Variants in SV2C observed in about 807,000 individuals in gnomAD.
SV2C encodes the protein synaptic vesicle glycoprotein 2C.
Under a neutral mutation model 79.7 loss-of-function variants are expected in SV2C, and 49 were observed. The ratio of observed to expected loss-of-function variants is 0.61; its 90% confidence interval spans 0.49 to 0.78. The LOEUF (loss-of-function observed/expected upper bound fraction) is 0.78. Ranked by LOEUF, SV2C falls within the 30% of genes least tolerant of loss-of-function variation. SV2C has a pLI of 0.00. For synonymous variants in SV2C, 334 were observed against 333.2 expected, an observed-to-expected ratio of 1.00 and a Z score of -0.03; for missense variants, 833 against 912.9, an observed-to-expected ratio of 0.91 and a Z score of 1.13.
chr5:75,890,675 T>G, the SV2C span, among the ~76,000 whole-genome samples: 2 of 152,058 alleles, frequency 1.3e-5, no homozygotes, highest in African/African-American at 2.4e-5. Flanking sequence ...AGTCTCCCAT[T>G]GCGAGGCTCC....
intron 1 of SV2C, among the ~76,000 whole-genome samples, chr5:76,085,028 C>T (rs1747134019): frequency 6.6e-6 from 1 of 152,266 alleles, no homozygotes; most frequent in Non-Finnish European, 1.5e-5. Flanking sequence ...GTGATGGTCT[C>T]CTCTCCCGCT....
chr5:76,132,095 T>A lies in SV2C; in HGVS notation c.345T>A (p.Asp115Glu), dbSNP rs746593541. The part of the protein sequence containing the change: ...SIVSVGQPKG[D>E]EYKDRRELES... ...TGTCAGTGGGGCAGCCCAAGGGCGATGAGTACAAGGACCGGCGGGAGCTGG... is the reference window on the plus strand; with the variant it reads ...TGTCAGTGGGGCAGCCCAAGGGCGAAGAGTACAAGGACCGGCGGGAGCTGG... Residue 115 changes from aspartate (D) to glutamate (E), a missense_variant, in exon 2 of 13, where the codon GAT becomes GAA. Transcript: ENST00000502798. The A allele has an allele frequency of 1.2e-6, 2 of 1,613,516 alleles. No homozygotes were observed. The highest frequency in any genetic ancestry group is 3.3e-5 in the Admixed American group (2 of 60,004).
chr5:76,125,165 C>T (rs576925649), intron 1 of SV2C, among the ~76,000 whole-genome samples: 1 of 152,270 alleles, frequency 6.6e-6, no homozygotes, highest in Non-Finnish European at 1.5e-5. Flanking sequence ...AATTTCCAGG[C>T]TCTTTGAATG....
chr5:76,027,425 C>T, the SV2C span, among the ~76,000 whole-genome samples: 1 of 151,954 alleles, frequency 6.6e-6, no homozygotes, highest in Non-Finnish European at 1.5e-5. Flanking sequence ...TCCATTCTCA[C>T]TTATTCATTG....
the SV2C span, among the ~76,000 whole-genome samples, chr5:75,996,835 G>A: frequency 7.1e-6 from 1 of 140,346 alleles, no homozygotes; most frequent in Non-Finnish European, 1.6e-5. Context: ...CATTGATTTT[G>A]TATCCTGAGA....
chr5:76,027,367 T>A, the SV2C span, among the ~76,000 whole-genome samples: 1 of 149,296 alleles, frequency 6.7e-6, no homozygotes, highest in Non-Finnish European at 1.5e-5. Context: ...CAACCTTTTT[T>A]CAGTTTTTAT....
intron 4 of SV2C, among the ~76,000 whole-genome samples, chr5:76,269,798 G>A (rs2112470909): frequency 6.6e-6 from 1 of 152,248 alleles, no homozygotes; most frequent in South Asian, 2.1e-4. Flanking sequence ...ATCATTTCTG[G>A]TAAGTAGCAT....
At chr5:75,997,016 A>G in the SV2C span, among the ~76,000 whole-genome samples, 1 of 149,166 alleles carries the variant, frequency 6.7e-6, no homozygotes. Flanking sequence ...AACTTCCAAC[A>G]CTATGTTGAA....
Position 76,285,252 on chromosome 5 carries a change from T to G in SV2C, c.1004T>G (p.Val335Gly). 1 of 1,614,218 alleles carries G rather than the reference T, an allele frequency of 6.2e-7. No individual in the cohort carries two copies. The highest frequency in any genetic ancestry group is 8.5e-7 in the Non-Finnish European group (1 of 1,180,020). ...VCALPCVSSV[V>G]ALTFMPESPR... ...GCACTCCCCTGTGTCTCCTCCGTGGTGGCCCTCACATTCATGCCTGAAAGC... is the reference window on the plus strand; with the variant it reads ...GCACTCCCCTGTGTCTCCTCCGTGGGGGCCCTCACATTCATGCCTGAAAGC... Residue 335 changes from valine (V) to glycine (G), a missense_variant, in exon 5 of 13, where the codon GTG (valine) becomes GGG (glycine). Coordinates refer to ENST00000502798, the MANE Select transcript of SV2C (RefSeq NM_014979.4).
chr5:76,034,999 T>G, the SV2C span, among the ~76,000 whole-genome samples: 2 of 152,156 alleles, frequency 1.3e-5, no homozygotes, highest in African/African-American at 2.4e-5. Flanking sequence ...GTTGAGGAAT[T>G]TATCCATTTC....
the SV2C span, among the ~76,000 whole-genome samples, chr5:75,968,693 C>T: frequency 1.3e-5 from 2 of 152,172 alleles, no homozygotes; most frequent in African/African-American, 2.4e-5. Context: ...ACCAAATCTA[C>T]GTCTGATTGG....
intron 2 of SV2C, among the ~76,000 whole-genome samples, chr5:76,190,651 G>C (rs1744071352): frequency 6.6e-6 from 1 of 152,178 alleles, no homozygotes; most frequent in Non-Finnish European, 1.5e-5. Context: ...CCAAAGACTA[G>C]GGTTTGGTCA....
intron 12 of SV2C, among the ~76,000 whole-genome samples, chr5:76,346,885 A>T (rs1749554474): frequency 6.6e-6 from 1 of 152,156 alleles, no homozygotes; most frequent in Non-Finnish European, 1.5e-5. Context: ...TTGCTGCTAG[A>T]CACTGCCAAG....
At chr5:76,094,445 T>A (rs1186280746) in intron 1 of SV2C, among the ~76,000 whole-genome samples, 1 of 152,228 alleles carries the variant, frequency 6.6e-6, no homozygotes, top group Non-Finnish European at 1.5e-5. Context: ...TTTTCTTTTT[T>A]TTAACACCGT....
At chr5:75,972,612 C>G in the SV2C span, among the ~76,000 whole-genome samples, 3 of 152,062 alleles carry the variant, frequency 2.0e-5, no homozygotes, top group Admixed American at 6.6e-5. Context: ...AAATGCAAAT[C>G]AAAACCACAA....
chr5:75,951,545 T>A, the SV2C span, among the ~76,000 whole-genome samples: 21 of 152,154 alleles, frequency 1.4e-4, no homozygotes, highest in Non-Finnish European at 2.4e-4. Context: ...GGAACTCCAA[T>A]CCATGCTTCA....
At chr5:76,335,928 G>A (rs1339963497), downstream of SV2C, among the ~76,000 whole-genome samples, 1 of 152,172 alleles carries the variant, frequency 6.6e-6, no homozygotes, top group Non-Finnish European at 1.5e-5. Flanking sequence ...TTCTCAATGA[G>A]CTGTTGGGTA....
chr5:75,909,981 G>A, the SV2C span, among the ~76,000 whole-genome samples: 4 of 152,146 alleles, frequency 2.6e-5, no homozygotes, highest in African/African-American at 9.7e-5. Context: ...ATGTCAACAG[G>A]ATTATTCCCT....
At chr5:75,961,712 GA>G in the SV2C span, among the ~76,000 whole-genome samples, 1 of 151,708 alleles carries the variant, frequency 6.6e-6, no homozygotes, top group Non-Finnish European at 1.5e-5. Flanking sequence ...GCAATGTAAA[GA>G]ATTAATATTA....
Sources: gnomAD v4.1 joint callset for allele counts (sites outside exome capture counted in the v4.1 genomes callset) on GRCh38, gnomAD v4.1.1 for gene constraint, MANE v1.5 for transcripts, NCBI Gene and HGNC (gene_info 2026-07-23, HGNC 2026-07-21) for gene names.